Variants in SIX3 observed in about 807,000 individuals in gnomAD.
SIX3 encodes the protein SIX homeobox 3.
SIX3 carries 2 observed loss-of-function variants against 21.7 expected under a neutral mutation model. That is an observed-to-expected ratio of 0.09 (90% CI 0.04 to 0.29). The LOEUF (loss-of-function observed/expected upper bound fraction) is 0.29. Among genes scored for constraint, SIX3 ranks in the 10% least tolerant of loss-of-function variants. SIX3 has a pLI of 1.00. For synonymous variants in SIX3, 243 were observed against 220.6 expected (o/e 1.10, Z -0.90); for missense variants, 347 against 480.7 (o/e 0.72, Z 2.60).
rs1558420128 is a variant in SIX3 at position 44,942,782 on chromosome 2, A to G, written c.678A>G (p.Leu226=). The G allele has an allele frequency of 4.4e-6, 7 of 1,599,882 alleles. No homozygotes were observed. Among genetic ancestry groups the G allele is most frequent in the East Asian group, 2.2e-5 (1 of 44,876 alleles). The change falls in exon 1 of 2, where the codon CTA becomes CTG. Residue 226 remains leucine, a synonymous_variant. Coordinates refer to ENST00000260653, the MANE Select transcript of SIX3 (RefSeq NM_005413.4). This position sits in a 1 kb window ranked among gnomAD's most constrained non-coding sequence, Gnocchi z 8.4. ...GGAGCCTGTTGCGGGAGTGGTACCT[A>G]CAGGACCCCTACCCCAACCCCAGCA... is the stretch of plus-strand genomic sequence containing the variant. ...RTRSLLREWY[L]QDPYPNPSKK...
chr2:44,944,477 G>A (rs1666648897), intron 1 of SIX3, 91 bp from the exon 2 acceptor site: 1 of 1,389,984 alleles, frequency 7.2e-7, no homozygotes, highest in African/African-American at 1.4e-5. Context: ...GACTTGGGAT[G>A]CTCCCGAAAG....
chr2:44,943,615 G>A (rs999257672), intron 1 of SIX3, among the ~76,000 whole-genome samples: 16 of 152,252 alleles, frequency 1.1e-4, no homozygotes, highest in African/African-American at 2.9e-4. Flanking sequence ...TCACAAAATT[G>A]TATAGGGCTT....
rs774682149 is a variant in SIX3, at chr2:44,944,603, G to C, written c.842G>C (p.Arg281Pro). 3.8e-6 allele frequency: 6 copies of C among 1,576,214 alleles called. No individual in the cohort carries two copies. In the East Asian group the frequency reaches 9.3e-5, roughly 24 times the overall value. Residue 281 changes from arginine to proline, a missense_variant, in exon 2 of 2, where the codon CGC (arginine) becomes CCC (proline). Physicochemically the swap from Arg to Pro is moderately radical, Grantham distance 103. Coordinates refer to ENST00000260653, the MANE Select transcript of SIX3 (RefSeq NM_005413.4). ...CAGGCCATTGGACCGAGCGGCATGC[G>C]CTCGCTGGCCGAGCCCGGCTGCCCC... The part of the protein sequence containing the change: ...QHQAIGPSGM[R>P]SLAEPGCPTH...
chr2:44,942,221 A>G lies in SIX3; in HGVS notation c.117A>G (p.Gly39=). 1.3e-6 allele frequency: 2 copies of G among 1,585,966 alleles called. No individual in the cohort carries two copies. Among genetic ancestry groups the G allele is most frequent in the East Asian group, 2.3e-5 (1 of 44,218 alleles). The change falls in exon 1 of 2, where the codon GGA becomes GGG. Residue 39 remains glycine, a synonymous_variant. Coordinates refer to ENST00000260653, the MANE Select transcript of SIX3 (RefSeq NM_005413.4). This position sits in a 1 kb window ranked among gnomAD's most constrained non-coding sequence, Gnocchi z 8.4. ...LASSGGGNGA[G]GGGGAGGGSG... ...GTAGCGGCGGCGGGAACGGTGCGGG[A>G]GGCGGCGGCGGCGCGGGAGGCGGCA...
At position 44,941,970 on chromosome 2, in the gene SIX3, C is replaced by A; in HGVS notation, c.-135C>A. ...CGCCCTTCCTCCTCTCCCTCCTCCT[C>A]CTGCTCCCCCCTCCTTTCCTTCTCC... On this transcript the variant is annotated 5_prime_UTR_variant, in exon 1 of 2. Coordinates refer to ENST00000260653, the MANE Select transcript of SIX3 (RefSeq NM_005413.4). The A allele has an allele frequency of 1.4e-6, 1 of 700,656 alleles. No individual in the cohort carries two copies. Among genetic ancestry groups the A allele is most frequent in the Non-Finnish European group, 2.6e-6 (1 of 385,972 alleles). The allele number at this position is 700,656 out of a possible 1,614,324, so 43.4% of individuals were successfully genotyped here.
In SIX3 at chr2:44,942,437, C is replaced by T. The variant is rs1437227030; in HGVS notation, c.333C>T (p.Phe111=). The T allele has an allele frequency of 6.3e-7, 1 of 1,597,642 alleles. No individual in the cohort carries two copies. The highest frequency in any genetic ancestry group is 8.5e-7 in the Non-Finnish European group (1 of 1,179,588). The change falls in exon 1 of 2, where the codon TTC becomes TTT. Residue 111 remains phenylalanine, a synonymous_variant. Coordinates refer to ENST00000260653, the MANE Select transcript of SIX3 (RefSeq NM_005413.4). The surrounding 1 kb of genome is among the most constrained non-coding windows in gnomAD (Gnocchi z 8.4). The part of the protein sequence containing the change: ...ETGDIERLGR[F]LWSLPVAPGA... ...GCGACATCGAGCGGCTGGGCCGCTT[C>T]CTCTGGTCGCTGCCCGTGGCCCCCG...
In SIX3 at chr2:44,942,149, G is replaced by T. The variant is rs773668631; in HGVS notation, c.45G>T (p.Leu15Phe). The T allele has an allele frequency of 3.1e-6, 5 of 1,598,048 alleles. No homozygotes were observed. The highest frequency in any genetic ancestry group is 4.2e-6 in the Non-Finnish European group (5 of 1,179,368). Residue 15 changes from leucine to phenylalanine, a missense_variant, in exon 1 of 2, where the codon TTG becomes TTT. Around this residue, in one of 4 missense-constraint regions of SIX3, gnomAD observed 105 missense variants for 116.1 expected, o/e 0.90. Coordinates refer to ENST00000260653, the MANE Select transcript of SIX3 (RefSeq NM_005413.4). The surrounding 1 kb of genome is among the most constrained non-coding windows in gnomAD (Gnocchi z 8.4). ...SPLDLYSSHF[L>F]LPNFADSHHR... ...TAGACCTCTATTCCTCCCACTTCTT[G>T]TTGCCAAACTTCGCCGATTCTCACC...
In SIX3 at chr2:44,945,041, G is replaced by C. The variant is rs1402001676; in HGVS notation, c.*281G>C. ...ACCCCAAAGGACCCCGACGCCAACA[G>C]ACAGTCAAACGCTGATGTTGCGGGC... On this transcript the variant is annotated 3_prime_UTR_variant, in exon 2 of 2. Transcript: ENST00000260653. 7.3e-6 allele frequency: 4 copies of C among 545,018 alleles called. No homozygotes were observed. Among genetic ancestry groups the C allele is most frequent in the Non-Finnish European group, 9.9e-6 (3 of 303,140 alleles). The allele number at this position is 545,018 out of a possible 1,614,324, so 33.8% of individuals were successfully genotyped here.
At chr2:44,943,512 C>T (rs1339767279) in intron 1 of SIX3, among the ~76,000 whole-genome samples, 1 of 152,210 alleles carries the variant, frequency 6.6e-6, no homozygotes, top group Non-Finnish European at 1.5e-5. Flanking sequence ...TGCATGTACT[C>T]GCCCTCCTGT....
At position 44,945,525 on chromosome 2, in the gene SIX3, T is replaced by C. The variant is rs1666678010; in HGVS notation, c.*765T>C. On this transcript the variant is annotated 3_prime_UTR_variant, in exon 2 of 2. Transcript: ENST00000260653. Reference sequence around the variant, plus strand: ...TTTTTTGTTCAGCAGACAATCATTTTCTTCGTAAGCACCTTTTTCTCTCCA... The same window carrying C: ...TTTTTTGTTCAGCAGACAATCATTTCCTTCGTAAGCACCTTTTTCTCTCCA... The C allele has an allele frequency of 6.6e-6, 1 of 152,228 alleles. No homozygotes were observed. Among genetic ancestry groups the C allele is most frequent in the African/African-American group, 2.4e-5 (1 of 41,450 alleles). 9.4% of individuals were successfully genotyped at this position (152,228 alleles called of 1,614,324 possible).
chr2:44,944,985 C>A lies in SIX3; in HGVS notation c.*225C>A. 1 of 598,536 alleles carries A rather than the reference C, an allele frequency of 1.7e-6. No homozygotes were observed. The highest frequency in any genetic ancestry group is 3.0e-6 in the Non-Finnish European group (1 of 334,702). 37.1% of individuals were successfully genotyped at this position (598,536 alleles called of 1,614,324 possible). ...TAACAAATTAACCGCAAACTATCAA[C>A]AACCCCCAACCACCATCTACCACTA... On this transcript the variant is annotated 3_prime_UTR_variant, in exon 2 of 2. Transcript: ENST00000260653.
In SIX3 at chr2:44,942,122, C is replaced by T. The variant is rs201997244; in HGVS notation, c.18C>T (p.Pro6=). The T allele has an allele frequency of 5.0e-6, 8 of 1,596,026 alleles. No homozygotes were observed. Among genetic ancestry groups the T allele is most frequent in the Middle Eastern group, 1.9e-4 (1 of 5,402 alleles). MVFRS[P]LDLYSSHFLL... ...GTCAGTCCATGGTATTCCGCTCCCC[C>T]CTAGACCTCTATTCCTCCCACTTCT... Residue 6 remains proline, a synonymous_variant, in exon 1 of 2, where the codon CCC becomes CCT. Coordinates refer to ENST00000260653, the MANE Select transcript of SIX3 (RefSeq NM_005413.4). This position sits in a 1 kb window ranked among gnomAD's most constrained non-coding sequence, Gnocchi z 8.4.
chr2:44,942,824 G>T lies in SIX3; in HGVS notation c.720G>T (p.Ala240=), dbSNP rs191012035. 1.8e-3 allele frequency: 2,843 copies of T among 1,599,534 alleles called. 4 individuals are homozygous for T. The highest frequency in any genetic ancestry group is 2.0e-3 in the Middle Eastern group (12 of 6,060). The change falls in exon 1 of 2, where the codon GCG becomes GCT. Residue 240 remains alanine, a synonymous_variant. Transcript: ENST00000260653. This position sits in a 1 kb window ranked among gnomAD's most constrained non-coding sequence, Gnocchi z 8.4. ...YPNPSKKREL[A]QATGLTPTQV... is the part of the protein sequence containing the mutation. The stretch of plus-strand genomic sequence containing the variant: ...ACCCCAGCAAGAAACGCGAACTGGC[G>T]CAGGCCACCGGCCTCACTCCCACAC...
At chr2:44,943,802 A>G (rs1666634003) in intron 1 of SIX3, among the ~76,000 whole-genome samples, 1 of 152,202 alleles carries the variant, frequency 6.6e-6, no homozygotes, top group Non-Finnish European at 1.5e-5. Flanking sequence ...GGCCTGGTGT[A>G]CTTCAGGGAG....
Position 44,944,612 on chromosome 2 carries a change from C to G in SIX3, c.851C>G (p.Ala284Gly), listed in dbSNP as rs776232356. ...GGACCGAGCGGCATGCGCTCGCTGG[C>G]CGAGCCCGGCTGCCCCACGCACGGC... ...AIGPSGMRSLAEPGCPTHGSA... is the reference protein window; with the variant it reads ...AIGPSGMRSLGEPGCPTHGSA... Residue 284 changes from alanine to glycine, a missense_variant, in exon 2 of 2, where the codon GCC (alanine) becomes GGC (glycine). Ala to Gly is a moderately conservative substitution (Grantham distance 60). Coordinates refer to ENST00000260653, the MANE Select transcript of SIX3 (RefSeq NM_005413.4). 15 of 1,574,908 alleles carry G rather than the reference C, an allele frequency of 9.5e-6. No homozygotes were observed. The East Asian group carries it at 1.4e-4, about 15-fold the overall frequency.
At chr2:44,943,638 A>G (rs1254829101) in intron 1 of SIX3, among the ~76,000 whole-genome samples, 2 of 152,240 alleles carry the variant, frequency 1.3e-5, no homozygotes, top group Non-Finnish European at 1.5e-5. Flanking sequence ...CCAACATCAC[A>G]GGAGCTGGGC....
intron 1 of SIX3, 120 bp downstream of exon 1, chr2:44,943,030 C>G (rs1187004837): frequency 7.0e-7 from 1 of 1,431,262 alleles, no homozygotes; most frequent in African/African-American, 1.4e-5. Context: ...CCTGGCCAGT[C>G]GGAGAAAGTT....
chr2:44,944,624 G>T lies in SIX3; in HGVS notation c.863G>T (p.Cys288Phe). ...SGMRSLAEPGCPTHGSAESPS... is the reference protein window; with the variant it reads ...SGMRSLAEPGFPTHGSAESPS... ...ATGCGCTCGCTGGCCGAGCCCGGCT[G>T]CCCCACGCACGGCTCGGCAGAGTCG... Residue 288 changes from cysteine to phenylalanine, a missense_variant, in exon 2 of 2, where the codon TGC becomes TTC. By Grantham distance (205) the Cys-to-Phe change is radical. Around this residue, in one of 4 missense-constraint regions of SIX3, gnomAD observed 110 missense variants for 93.3 expected, o/e 1.18. Coordinates refer to ENST00000260653, the MANE Select transcript of SIX3 (RefSeq NM_005413.4). 1 of 1,575,362 alleles carries T rather than the reference G, an allele frequency of 6.3e-7. No homozygotes were observed. The highest frequency in any genetic ancestry group is 8.6e-7 in the Non-Finnish European group (1 of 1,167,846).
At position 44,941,991 on chromosome 2, in the gene SIX3, TCTC is replaced by T; in HGVS notation, c.-106_-104del. The T allele has an allele frequency of 1.5e-6, 1 of 659,274 alleles. No individual in the cohort carries two copies. The highest frequency in any genetic ancestry group is 4.6e-4 in the Middle Eastern group (1 of 2,152). 40.8% of individuals were successfully genotyped at this position (659,274 alleles called of 1,614,324 possible). A position where few individuals can be genotyped will look rare whatever the true frequency, so the allele number is the denominator to read the frequency against. On this transcript the variant is annotated 5_prime_UTR_variant, in exon 1 of 2. Transcript: ENST00000260653. ...TCCTCCTGCTCCCCCCTCCTTTCCT[TCTC>T]CTCCTCCCCCCTCTCCTCTCCCTCC...
Sources: allele counts gnomAD v4.1 joint callset (sites outside exome capture counted in the v4.1 genomes callset), GRCh38; gene constraint gnomAD v4.1.1; regional missense constraint gnomAD v4.1.1; non-coding constraint Gnocchi (gnomAD v3.1); transcripts MANE v1.5; gene names NCBI Gene and HGNC (gene_info 2026-07-23, HGNC 2026-07-21).